The following DLG2 variants were observed in gnomAD, a reference collection of about 807,000 sequenced individuals.
DLG2 encodes the protein discs large MAGUK scaffold protein 2.
Under a neutral mutation model 132.5 loss-of-function variants are expected in DLG2, and 45 were observed. The observed-to-expected ratio is 0.34, with a 90% CI of 0.27 to 0.44. The LOEUF is 0.44. Among genes scored for constraint, DLG2 ranks in the 20% least tolerant of loss-of-function variants. DLG2 has a pLI of 1.00. For missense variants in DLG2, 1,045 were observed against 1,196.9 expected, an observed-to-expected ratio of 0.87 and a Z score of 1.87; for synonymous variants, 424 against 419.6, an observed-to-expected ratio of 1.01 and a Z score of -0.13.
At chr11:84,335,642 A>G (rs1204536184) in intron 7 of DLG2, among the ~76,000 whole-genome samples, 2 of 152,218 alleles carry the variant, frequency 1.3e-5, no homozygotes, top group Non-Finnish European at 2.9e-5. Context: ...AGTACACAAA[A>G]GCTCTGAGGA....
intron 11 of DLG2, among the ~76,000 whole-genome samples, chr11:84,054,766 G>C (rs754736609): frequency 6.6e-6 from 1 of 151,978 alleles, no homozygotes; most frequent in Non-Finnish European, 1.5e-5. Flanking sequence ...AATTTAATTT[G>C]CCACAAATCA....
At chr11:84,155,630 C>T (rs2095413428) in intron 9 of DLG2, among the ~76,000 whole-genome samples, 1 of 151,832 alleles carries the variant, frequency 6.6e-6, no homozygotes, top group African/African-American at 2.4e-5. Context: ...CAAGTACCAG[C>T]CCCCACTGTT....
chr11:83,646,357 C>CAGAGAGAGAGAG (rs1555286926), intron 18 of DLG2, among the ~76,000 whole-genome samples: 1 of 126,222 alleles, frequency 7.9e-6, no homozygotes, highest in African/African-American at 2.7e-5. Flanking sequence ...AGATATGAAA[C>CAGAGAGAGAGAG]AGAGAGAGAG....
chr11:83,750,640 T>G (rs2093243672), intron 18 of DLG2, among the ~76,000 whole-genome samples: 1 of 152,268 alleles, frequency 6.6e-6, no homozygotes, highest in Admixed American at 6.5e-5. Context: ...ATATATGAAA[T>G]AAATATGCTT....
intron 4 of DLG2, among the ~76,000 whole-genome samples, chr11:85,247,602 AG>A (rs1181308134): frequency 6.6e-6 from 1 of 152,032 alleles, no homozygotes; most frequent in Non-Finnish European, 1.5e-5. Flanking sequence ...GCTAGTCTAC[AG>A]GCAACAGAGG....
chr11:83,492,921 A>G (rs1400212860), intron 21 of DLG2, among the ~76,000 whole-genome samples: 1 of 152,074 alleles, frequency 6.6e-6, no homozygotes, highest in African/African-American at 2.4e-5. Flanking sequence ...GTGATCATTT[A>G]AAATTGTAAT....
At chr11:83,981,917 C>A (rs2092814554) in intron 11 of DLG2, among the ~76,000 whole-genome samples, 2 of 152,120 alleles carry the variant, frequency 1.3e-5, no homozygotes, top group African/African-American at 2.4e-5. Context: ...TCATGCACTG[C>A]ATAACAATGT....
At chr11:83,464,971 T>C (rs2090746166) in intron 26 of DLG2, among the ~76,000 whole-genome samples, 1 of 152,240 alleles carries the variant, frequency 6.6e-6, no homozygotes, top group Admixed American at 6.5e-5. Flanking sequence ...ATGAAATTTG[T>C]ACTTGCTTAA....
At chr11:83,751,782 C>T (rs529695273) in intron 18 of DLG2, among the ~76,000 whole-genome samples, 1 of 152,274 alleles carries the variant, frequency 6.6e-6, no homozygotes, top group Admixed American at 6.5e-5. Flanking sequence ...CAATTTTGGA[C>T]ATGCTATGTT....
intron 6 of DLG2, among the ~76,000 whole-genome samples, chr11:84,670,767 C>G (rs1448237813): frequency 6.6e-6 from 1 of 152,056 alleles, no homozygotes; most frequent in Non-Finnish European, 1.5e-5. Flanking sequence ...TGATTCAAAG[C>G]CCCTGTTCTT....
chr11:85,537,834 C>T lies in DLG2; in HGVS notation c.40+60823G>A, dbSNP rs563666650. ...CATCATCTTTAAGAACTGTAACACGCGGCCAGGCGTGGTGGCTCAAGCCTG... is the reference window on the plus strand; with the variant it reads ...CATCATCTTTAAGAACTGTAACACGTGGCCAGGCGTGGTGGCTCAAGCCTG... On this transcript the variant is annotated intron_variant, in intron 3 of 27. Transcript: ENST00000376104. Among the ~76,000 whole-genome samples, 21 of 152,018 alleles carry T rather than the reference C, an allele frequency of 1.4e-4. 1 individual carries two copies. The highest frequency in any genetic ancestry group is 2.6e-4 in the Admixed American group (4 of 15,280).
At chr11:83,791,332 T>C in intron 17 of DLG2, 1 of 671,946 alleles carries the variant, frequency 1.5e-6, no homozygotes, top group Non-Finnish European at 2.6e-6. Flanking sequence ...GGCAGAAAGC[T>C]GCCTTTTTAA....
intron 19 of DLG2, among the ~76,000 whole-genome samples, chr11:83,610,374 G>A (rs2059939889): frequency 6.6e-6 from 1 of 152,206 alleles, no homozygotes; most frequent in African/African-American, 2.4e-5. Context: ...CTGTATCAGT[G>A]TGGGAAAAAG....
At chr11:84,341,518 C>T (rs1330813816) in intron 7 of DLG2, among the ~76,000 whole-genome samples, 1 of 152,140 alleles carries the variant, frequency 6.6e-6, no homozygotes, top group Non-Finnish European at 1.5e-5. Context: ...GCACTCCCTC[C>T]CCAGAGATTA....
intron 18 of DLG2, among the ~76,000 whole-genome samples, chr11:83,720,610 C>T (rs1213616075): frequency 6.6e-6 from 1 of 152,112 alleles, no homozygotes; most frequent in East Asian, 1.9e-4. Context: ...AAAGCCAATG[C>T]TGGTAACCAC....
intron 5 of DLG2, among the ~76,000 whole-genome samples, chr11:85,134,528 CAAAAAAAAAAAAA>C (rs58266385): frequency 2.9e-5 from 1 of 34,948 alleles, no homozygotes; most frequent in Non-Finnish European, 5.9e-5. Flanking sequence ...GACTCCGTCT[CAAAAAAAAAAAAA>C]AAAAAAAAAA....
At chr11:84,426,488 T>C (rs2098967039) in intron 7 of DLG2, among the ~76,000 whole-genome samples, 1 of 152,138 alleles carries the variant, frequency 6.6e-6, no homozygotes, top group Admixed American at 6.6e-5. Context: ...CTTTGCCTCA[T>C]CTGTAAAAAT....
intron 11 of DLG2, among the ~76,000 whole-genome samples, chr11:84,005,771 A>T (rs1283152620): frequency 1.3e-5 from 2 of 151,904 alleles, no homozygotes; most frequent in Non-Finnish European, 2.9e-5. Context: ...CCACAATGAG[A>T]TATCATCTTA....
At chr11:84,614,499 C>G (rs1299656586) in intron 6 of DLG2, among the ~76,000 whole-genome samples, 1 of 152,130 alleles carries the variant, frequency 6.6e-6, no homozygotes, top group Non-Finnish European at 1.5e-5. Flanking sequence ...TTAACTAATA[C>G]CAACAGAGAG....
Sources: allele counts gnomAD v4.1 joint callset (sites outside exome capture counted in the v4.1 genomes callset), GRCh38; gene constraint gnomAD v4.1.1; transcripts MANE v1.5; gene names NCBI Gene and HGNC (gene_info 2026-07-23, HGNC 2026-07-21).